The following PCDHGB3 variants were observed in gnomAD, a reference collection of about 807,000 sequenced individuals.
PCDHGB3 encodes the protein protocadherin gamma subfamily B, 3.
Under a neutral mutation model 59.2 loss-of-function variants are expected in PCDHGB3, and 40 were observed. The observed-to-expected ratio is 0.68, with a 90% CI of 0.52 to 0.88. PCDHGB3 has a LOEUF of 0.88. Among genes scored for constraint, PCDHGB3 ranks in the 40% least tolerant of loss-of-function variants. The pLI is 0.00. For missense variants in PCDHGB3, 1,309 were observed against 1,187.9 expected (o/e 1.10, Z -1.50); for synonymous variants, 581 against 503.6 (o/e 1.15, Z -2.06).
At chr5:141,421,619 C>G in intron 1 of PCDHGB3, 1 of 1,613,694 alleles carries the variant, frequency 6.2e-7, no homozygotes, top group Non-Finnish European at 8.5e-7. Flanking sequence ...AATGATAACG[C>G]CCCCAGCTTC....
In PCDHGB3 at chr5:141,476,229, C is replaced by T; in HGVS notation, c.2416-18578C>T. ...TCCACGGTCATTCACTATGAGATCC[C>T]GGAGGAAAGAGAGAAGGGTTTCGCT... On this transcript the variant is annotated intron_variant, in intron 1 of 3. Coordinates refer to ENST00000576222, the MANE Select transcript of PCDHGB3 (RefSeq NM_018924.5). The surrounding 1 kb of genome is among the most constrained non-coding windows in gnomAD (Gnocchi z 7.6). 1 of 1,613,872 alleles carries T rather than the reference C, an allele frequency of 6.2e-7. No individual in the cohort carries two copies. The highest frequency in any genetic ancestry group is 2.2e-5 in the East Asian group (1 of 44,822).
At chr5:141,402,796 A>C in intron 1 of PCDHGB3, 1 of 1,040,680 alleles carries the variant, frequency 9.6e-7, no homozygotes, top group South Asian at 2.0e-5. Flanking sequence ...GGCTACACAA[A>C]ACCCGGCAGA....
chr5:141,399,472 C>T lies in PCDHGB3; in HGVS notation c.2415+26663C>T, dbSNP rs763239278. On this transcript the variant is annotated intron_variant, in intron 1 of 3. Transcript: ENST00000576222. ...CGTCAACGATAACGCTCCGGTTTTCCACCAGGCGTCCTACTTAGTCAGTGT... is the reference window on the plus strand; with the variant it reads ...CGTCAACGATAACGCTCCGGTTTTCTACCAGGCGTCCTACTTAGTCAGTGT... 29 of 1,613,908 alleles carry T rather than the reference C, an allele frequency of 1.8e-5. No individual in the cohort carries two copies. The South Asian group carries it at 2.9e-4, about 16-fold the overall frequency.
At chr5:141,495,269 CGGAGGAGGCG>C (rs2099759953) in intron 2 of PCDHGB3, among the ~76,000 whole-genome samples, 1 of 152,180 alleles carries the variant, frequency 6.6e-6, no homozygotes, top group Non-Finnish European at 1.5e-5. Context: ...AGCATTTGAC[CGGAGGAGGCG>C]GTCCGCACTC....
In PCDHGB3 at chr5:141,370,334, T is replaced by C; in HGVS notation, c.-61T>C. 2.1e-6 allele frequency: 3 copies of C among 1,443,302 alleles called. No individual in the cohort carries two copies. Among genetic ancestry groups the C allele is most frequent in the Non-Finnish European group, 2.8e-6 (3 of 1,070,668 alleles). The allele number at this position is 1,443,302 out of a possible 1,614,324, so 89.4% of individuals were successfully genotyped here. On this transcript the variant is annotated 5_prime_UTR_variant, in exon 1 of 4. Transcript: ENST00000576222. ...ATAGTTGGTCCTGCTCGGAGAACTC[T>C]TGGGATTATTTAAAGATCTCCTCTC...
chr5:141,489,247 C>T lies in PCDHGB3; in HGVS notation c.2416-5560C>T. 6.5e-7 allele frequency: 1 copy of T among 1,546,012 alleles called. No individual in the cohort carries two copies. The highest frequency in any genetic ancestry group is 8.7e-7 in the Non-Finnish European group (1 of 1,146,298). ...ACAAAGGGACTTCTGGGTCATGGGGCCCAAGACACTCCCACAGCTCGCTGG... is the reference window on the plus strand; with the variant it reads ...ACAAAGGGACTTCTGGGTCATGGGGTCCAAGACACTCCCACAGCTCGCTGG... On this transcript the variant is annotated intron_variant, in intron 1 of 3. Coordinates refer to ENST00000576222, the MANE Select transcript of PCDHGB3 (RefSeq NM_018924.5). This position sits in a 1 kb window ranked among gnomAD's most constrained non-coding sequence, Gnocchi z 4.5.
chr5:141,457,193 A>G (rs2154565853), intron 1 of PCDHGB3, among the ~76,000 whole-genome samples: 1 of 152,356 alleles, frequency 6.6e-6, no homozygotes, highest in African/African-American at 2.4e-5. Flanking sequence ...GAGTGAGGAA[A>G]GCAGTTCCCA....
chr5:141,422,975 C>T (rs751065595), intron 1 of PCDHGB3: 130 of 1,614,092 alleles, frequency 8.1e-5, no homozygotes, highest in Non-Finnish European at 1.0e-4. Context: ...CCCCGCTCTG[C>T]GGAACCTGGC....
At chr5:141,422,791 G>T (rs2096673253) in intron 1 of PCDHGB3, 2 of 1,614,020 alleles carry the variant, frequency 1.2e-6, no homozygotes, top group South Asian at 1.1e-5. Context: ...ACAATCCTTC[G>T]ACTATGAGCA....
At chr5:141,380,278 A>G (rs1443350334) in intron 1 of PCDHGB3, among the ~76,000 whole-genome samples, 3 of 152,216 alleles carry the variant, frequency 2.0e-5, no homozygotes, top group African/African-American at 7.2e-5. Context: ...TCAGAGGAGA[A>G]ACATTGGAAG....
chr5:141,497,502 T>C (rs1216218103), intron 2 of PCDHGB3, among the ~76,000 whole-genome samples: 1 of 151,628 alleles, frequency 6.6e-6, no homozygotes, highest in East Asian at 1.9e-4. Flanking sequence ...CTCTCCTCTC[T>C]CTGCTTCCTT....
intron 1 of PCDHGB3, among the ~76,000 whole-genome samples, chr5:141,488,697 A>T (rs1337725245): frequency 6.6e-6 from 1 of 152,162 alleles, no homozygotes; most frequent in Non-Finnish European, 1.5e-5. Context: ...GAAGGACAAG[A>T]TTTTGCTGGT....
In PCDHGB3 at chr5:141,453,101, TTTTTG is replaced by T. The variant is rs879618609; in HGVS notation, c.2416-41681_2416-41677del. ...GTTGATTAGTATATTTTCTGTTGCT[TTTTTG>T]TTTTGTTTTGTTTTGTTTTGTTTTT... On this transcript the variant is annotated intron_variant, in intron 1 of 3. Transcript: ENST00000576222. 4.4e-4 allele frequency among the ~76,000 whole-genome samples: 67 copies of T among 152,130 alleles called. 1 individual carries two copies. Among genetic ancestry groups the T allele is most frequent in the African/African-American group, 1.4e-3 (58 of 41,484 alleles).
chr5:141,487,824 C>A lies in PCDHGB3; in HGVS notation c.2416-6983C>A. The stretch of plus-strand genomic sequence containing the variant: ...TCACAGTTTAGCATTGGGGGCGGGT[C>A]ATGCCTATATCTGAGTAAGAAATGA... On this transcript the variant is annotated intron_variant, in intron 1 of 3. Coordinates refer to ENST00000576222, the MANE Select transcript of PCDHGB3 (RefSeq NM_018924.5). This position sits in a 1 kb window ranked among gnomAD's most constrained non-coding sequence, Gnocchi z 5.0. 2 of 1,247,252 alleles carry A rather than the reference C, an allele frequency of 1.6e-6. No individual in the cohort carries two copies. The highest frequency in any genetic ancestry group is 2.9e-5 in the South Asian group (2 of 68,154). The allele number at this position is 1,247,252 out of a possible 1,614,324, so 77.3% of individuals were successfully genotyped here. A position where few individuals can be genotyped will look rare whatever the true frequency, so the allele number is the denominator to read the frequency against.
chr5:141,387,661 G>C (rs2091032284), intron 1 of PCDHGB3: 2 of 656,114 alleles, frequency 3.0e-6, no homozygotes, highest in East Asian at 5.7e-5. Context: ...AGAGCTTGGC[G>C]CTCCAGATCT....
intron 3 of PCDHGB3, among the ~76,000 whole-genome samples, chr5:141,510,373 T>TC (rs112437269): frequency 0.25 from 37,727 of 151,394 alleles, 4,765 homozygotes; most frequent in Admixed American, 0.33. Context: ...GAATCTCTAC[T>TC]CGTGCCAGGC....
At chr5:141,374,003 C>A in intron 1 of PCDHGB3, 1 of 1,320,442 alleles carries the variant, frequency 7.6e-7, no homozygotes. Context: ...GGACCTTCAC[C>A]GCTATTTCTG....
intron 1 of PCDHGB3, chr5:141,419,399 G>T (rs893535249): frequency 6.2e-7 from 1 of 1,613,470 alleles, no homozygotes. Context: ...GAGCGGGGTG[G>T]TGTTCGCGCA....
chr5:141,433,067 T>C, intron 1 of PCDHGB3: 3 of 1,614,144 alleles, frequency 1.9e-6, no homozygotes, highest in Non-Finnish European at 2.5e-6. Context: ...TCACCTGATC[T>C]TCCCCCAGCC....
Sources: allele counts gnomAD v4.1 joint callset (sites outside exome capture counted in the v4.1 genomes callset), GRCh38; gene constraint gnomAD v4.1.1; non-coding constraint Gnocchi (gnomAD v3.1); transcripts MANE v1.5; gene names NCBI Gene and HGNC (gene_info 2026-07-23, HGNC 2026-07-21).